TMEM132D: variants seen among roughly 807,000 people sequenced by gnomAD.
TMEM132D encodes the protein mature OL transmembrane protein.
Under a neutral mutation model 62.3 loss-of-function variants are expected in TMEM132D, and 21 were observed. The observed-to-expected ratio is 0.34, with a 90% CI of 0.24 to 0.49. The LOEUF is 0.49. Ranked by LOEUF, TMEM132D falls within the 20% of genes least tolerant of loss-of-function variation. The probability of loss-of-function intolerance (pLI) is 0.99; values close to 1 mark genes in which losing one functional copy is unlikely to be tolerated. For synonymous variants in TMEM132D, 621 were observed against 575.6 expected, an observed-to-expected ratio of 1.08 and a Z score of -1.13; for missense variants, 1,346 against 1,402.8, an observed-to-expected ratio of 0.96 and a Z score of 0.65.
Position 129,796,515 on chromosome 12 carries a change from G to A in TMEM132D, c.80-95817C>T, listed in dbSNP as rs557656063. Among the ~76,000 whole-genome samples, 20 of 152,140 alleles carry A rather than the reference G, an allele frequency of 1.3e-4. No homozygotes were observed. In the South Asian group the frequency reaches 3.3e-3, roughly 25 times the overall value. ...CTCCTGTCACACAGGTTTGTTGCACGGATTAATTAATCCATGGAATACTAG... is the reference window on the plus strand; with the variant it reads ...CTCCTGTCACACAGGTTTGTTGCACAGATTAATTAATCCATGGAATACTAG... On this transcript the variant is annotated intron_variant, in intron 1 of 8. Coordinates refer to ENST00000422113, the MANE Select transcript of TMEM132D (RefSeq NM_133448.3).
chr12:129,607,988 C>A (rs1878674447), intron 2 of TMEM132D, among the ~76,000 whole-genome samples: 1 of 152,134 alleles, frequency 6.6e-6, no homozygotes, highest in Admixed American at 6.6e-5. Flanking sequence ...GGGGGAGGAG[C>A]CGACAGATCA....
chr12:129,669,733 TAAATAAACAAAC>T (rs1237720361), intron 2 of TMEM132D, among the ~76,000 whole-genome samples: 1 of 150,190 alleles, frequency 6.7e-6, no homozygotes. Flanking sequence ...AATAAATAAA[TAAATAAACAAAC>T]AAACAAAACT....
At chr12:129,160,011 G>C (rs1877356693) in intron 5 of TMEM132D, among the ~76,000 whole-genome samples, 1 of 152,136 alleles carries the variant, frequency 6.6e-6, no homozygotes, top group Admixed American at 6.5e-5. Context: ...AACTAGAAGA[G>C]CATGGAGCAA....
intron 4 of TMEM132D, among the ~76,000 whole-genome samples, chr12:129,240,011 G>A (rs1052791832): frequency 2.0e-5 from 3 of 152,186 alleles, no homozygotes; most frequent in African/African-American, 7.2e-5. Flanking sequence ...ATGGCTGTCA[G>A]TTTTGCAATC....
chr12:129,630,458 A>G (rs774889543), intron 2 of TMEM132D, among the ~76,000 whole-genome samples: 1 of 152,028 alleles, frequency 6.6e-6, no homozygotes, highest in Non-Finnish European at 1.5e-5. Flanking sequence ...AACAAAAAGG[A>G]TTGGTGGTTT....
At chr12:129,684,311 A>G (rs1880854799) in intron 2 of TMEM132D, among the ~76,000 whole-genome samples, 1 of 152,006 alleles carries the variant, frequency 6.6e-6, no homozygotes, top group African/African-American at 2.4e-5. Flanking sequence ...AGTTCTCATG[A>G]GATCTGATGG....
At chr12:129,639,615 C>T (rs1879590386) in intron 2 of TMEM132D, among the ~76,000 whole-genome samples, 1 of 151,966 alleles carries the variant, frequency 6.6e-6, no homozygotes, top group Admixed American at 6.6e-5. Context: ...CCCTACAGAC[C>T]ATGTCTACAC....
At chr12:129,343,777 A>C (rs1015678591) in intron 3 of TMEM132D, among the ~76,000 whole-genome samples, 19 of 151,244 alleles carry the variant, frequency 1.3e-4, no homozygotes, top group African/African-American at 4.4e-4. Flanking sequence ...AAAACAAAAA[A>C]AAAAAACAAA....
intron 3 of TMEM132D, among the ~76,000 whole-genome samples, chr12:129,464,697 C>T (rs1015508264): frequency 2.0e-5 from 3 of 152,124 alleles, no homozygotes; most frequent in African/African-American, 4.8e-5. Flanking sequence ...TATGGCTAGC[C>T]AGTTTTCCCA....
At chr12:129,356,545 C>T (rs539952598) in intron 3 of TMEM132D, among the ~76,000 whole-genome samples, 2 of 151,352 alleles carry the variant, frequency 1.3e-5, no homozygotes, top group East Asian at 4.0e-4. Flanking sequence ...AGGCCGGGCT[C>T]GGTGACTCAT....
intron 2 of TMEM132D, among the ~76,000 whole-genome samples, chr12:129,582,658 G>A (rs1259430098): frequency 4.7e-5 from 7 of 147,658 alleles, no homozygotes; most frequent in East Asian, 2.0e-4. Context: ...TCACCTTGTC[G>A]CCCAGGCTGG....
At chr12:129,144,317 T>G (rs1876830035) in intron 5 of TMEM132D, among the ~76,000 whole-genome samples, 1 of 152,154 alleles carries the variant, frequency 6.6e-6, no homozygotes, top group Admixed American at 6.5e-5. Flanking sequence ...CCTTGTGCAT[T>G]TCCTTCCTAT....
intron 1 of TMEM132D, among the ~76,000 whole-genome samples, chr12:129,769,551 C>T (rs1304243882): frequency 6.6e-6 from 1 of 152,162 alleles, no homozygotes; most frequent in Non-Finnish European, 1.5e-5. Context: ...CCTGACATGT[C>T]AGAAGGTCAG....
At chr12:129,510,788 A>G (rs1043572451) in intron 3 of TMEM132D, among the ~76,000 whole-genome samples, 4 of 152,138 alleles carry the variant, frequency 2.6e-5, no homozygotes, top group African/African-American at 9.7e-5. Flanking sequence ...CTTTCAGCAC[A>G]ATCTACTGAA....
intron 1 of TMEM132D, among the ~76,000 whole-genome samples, chr12:129,837,181 T>G (rs971601590): frequency 6.6e-6 from 1 of 152,348 alleles, no homozygotes; most frequent in Admixed American, 6.5e-5. Flanking sequence ...AGTAATTATT[T>G]TTTTATAGAT....
chr12:129,408,417 A>G (rs1871860612), intron 3 of TMEM132D, among the ~76,000 whole-genome samples: 1 of 150,840 alleles, frequency 6.6e-6, no homozygotes, highest in Admixed American at 6.6e-5. Context: ...CTTTGTGGTG[A>G]GTCAATCACT....
intron 2 of TMEM132D, among the ~76,000 whole-genome samples, chr12:129,656,061 T>C (rs985419990): frequency 4.6e-5 from 7 of 152,148 alleles, no homozygotes; most frequent in African/African-American, 1.4e-4. Flanking sequence ...GATTTCCCAT[T>C]CTATAATTAG....
chr12:129,296,710 T>C (rs1191058154), intron 4 of TMEM132D, among the ~76,000 whole-genome samples: 1 of 152,184 alleles, frequency 6.6e-6, no homozygotes, highest in Non-Finnish European at 1.5e-5. Flanking sequence ...TCAGTCTGTG[T>C]TTCCTGGAAA....
In TMEM132D at chr12:129,700,001, C is replaced by T. The variant is rs150219380; in HGVS notation, c.777G>A (p.Glu259=). The T allele has an allele frequency of 6.2e-6, 10 of 1,613,962 alleles. No individual in the cohort carries two copies. The African/African-American group carries it at 1.2e-4, about 19-fold the overall frequency. ...GIRTGHSDID[E]SGPPLQRIGS... ...CGATCCTCTGCAAGGGGGGCCCGGA[C>T]TCATCGATGTCACTGTGGCCTGTCC... Residue 259 remains glutamate, a synonymous_variant, in exon 2 of 9, where the codon GAG becomes GAA. Transcript: ENST00000422113.
Sources: allele counts gnomAD v4.1 joint callset (sites outside exome capture counted in the v4.1 genomes callset), GRCh38; gene constraint gnomAD v4.1.1; transcripts MANE v1.5; gene names NCBI Gene and HGNC (gene_info 2026-07-23, HGNC 2026-07-21).